The following CLECL1 variants were observed in gnomAD, a reference collection of about 807,000 sequenced individuals.
CLECL1 encodes C-type lectin-like domain family 1.
chr12:9,719,808 C>A (rs1476261983), downstream of CLECL1, among the ~76,000 whole-genome samples: 1 of 152,188 alleles, frequency 6.6e-6, no homozygotes, highest in Non-Finnish European at 1.5e-5. Context: ...TTGTTTCACA[C>A]ACTTTAAATT....
At chr12:9,725,151 C>T (rs1866362768) in intron 3 of CLECL1, among the ~76,000 whole-genome samples, 1 of 152,086 alleles carries the variant, frequency 6.6e-6, no homozygotes, top group Non-Finnish European at 1.5e-5. Flanking sequence ...CAGATAATCA[C>T]TATAGCTAAT....
At chr12:9,733,500 GGGGCCCTAT>G (rs1438221459), upstream of CLECL1, among the ~76,000 whole-genome samples, 1 of 152,112 alleles carries the variant, frequency 6.6e-6, no homozygotes, top group Non-Finnish European at 1.5e-5. Context: ...GTTACAGAAA[GGGGCCCTAT>G]GTCTTTTATC....
chr12:9,717,536 G>C (rs1010256625), downstream of CLECL1, among the ~76,000 whole-genome samples: 8 of 152,258 alleles, frequency 5.3e-5, no homozygotes, highest in East Asian at 5.8e-4. Flanking sequence ...TATTTATCTT[G>C]TTTAAGCTAG....
chr12:9,733,209 A>G, upstream of CLECL1: 3 of 1,613,644 alleles, frequency 1.9e-6, no homozygotes, highest in Non-Finnish European at 2.5e-6. Flanking sequence ...AGTCTTACTA[A>G]TCAAGGTAGC....
At chr12:9,724,206 AAAAG>A (rs1866349226) in intron 3 of CLECL1, among the ~76,000 whole-genome samples, 1 of 151,956 alleles carries the variant, frequency 6.6e-6, no homozygotes, top group African/African-American at 2.4e-5. Flanking sequence ...AAGAAAAAGA[AAAAG>A]AAAAAAAAAG....
intron 2 of CLECL1, among the ~76,000 whole-genome samples, chr12:9,729,324 G>A (rs1263862322): frequency 5.9e-5 from 9 of 152,024 alleles, no homozygotes; most frequent in Non-Finnish European, 1.2e-4. Flanking sequence ...ACTGCACCAG[G>A]CAATTCACTG....
At chr12:9,718,507 G>A (rs1866264264), downstream of CLECL1, 1 of 259,980 alleles carries the variant, frequency 3.8e-6, no homozygotes, top group East Asian at 6.9e-5. Flanking sequence ...GTTATGGGCT[G>A]TGGGGCCCAG....
At chr12:9,711,215 C>T (rs1488031614), downstream of CLECL1, among the ~76,000 whole-genome samples, 8 of 152,156 alleles carry the variant, frequency 5.3e-5, no homozygotes, top group Non-Finnish European at 1.0e-4. Context: ...AGCCACACCC[C>T]CATCTCACAC....
downstream of CLECL1, among the ~76,000 whole-genome samples, chr12:9,719,918 G>A (rs1461774671): frequency 6.6e-6 from 1 of 152,192 alleles, no homozygotes; most frequent in Non-Finnish European, 1.5e-5. Context: ...GTGCCTTGGA[G>A]AAGATTACTT....
intron 1 of CLECL1, among the ~76,000 whole-genome samples, chr12:9,730,635 G>A (rs768893256): frequency 1.3e-5 from 2 of 152,204 alleles, no homozygotes; most frequent in Admixed American, 6.5e-5. Flanking sequence ...TGGGAGTCAA[G>A]TCAGTCACAG....
intron 3 of CLECL1, among the ~76,000 whole-genome samples, chr12:9,724,580 C>T (rs2121053446): frequency 6.6e-6 from 1 of 152,118 alleles, no homozygotes; most frequent in South Asian, 2.1e-4. Context: ...ATATAAAAAC[C>T]ATCTCTGGAC....
chr12:9,724,882 T>C (rs1242332431), intron 3 of CLECL1, among the ~76,000 whole-genome samples: 1 of 152,176 alleles, frequency 6.6e-6, no homozygotes, highest in Non-Finnish European at 1.5e-5. Flanking sequence ...TTCATATGTA[T>C]GAATAAGTTA....
chr12:9,733,344 T>C (rs60145243), upstream of CLECL1: 7,724 of 963,586 alleles, frequency 8.0e-3, 407 homozygotes, highest in African/African-American at 0.11. Context: ...ACAGAAGATA[T>C]CTCACCATTT....
chr12:9,729,015 C>G (rs1866413866), intron 2 of CLECL1, among the ~76,000 whole-genome samples: 1 of 151,962 alleles, frequency 6.6e-6, no homozygotes, highest in African/African-American at 2.4e-5. Context: ...TGTATATCAT[C>G]TCTGTTCTAC....
chr12:9,718,784 A>G (rs767092694), downstream of CLECL1: 1 of 700,390 alleles, frequency 1.4e-6, no homozygotes, highest in Non-Finnish European at 2.6e-6. Flanking sequence ...GCTGAAAACC[A>G]AGGAGAGATG....
At chr12:9,709,717 T>C in the CLECL1 span, among the ~76,000 whole-genome samples, 1 of 152,142 alleles carries the variant, frequency 6.6e-6, no homozygotes, top group Non-Finnish European at 1.5e-5. Context: ...TGAATGACCC[T>C]AAATGGCATC....
At chr12:9,723,877 C>T (rs1454980718) in intron 3 of CLECL1, among the ~76,000 whole-genome samples, 2 of 152,096 alleles carry the variant, frequency 1.3e-5, no homozygotes, top group Non-Finnish European at 2.9e-5. Context: ...AGTCCAACTA[C>T]ACCAATTGCT....
chr12:9,725,223 A>G (rs1591718250), intron 3 of CLECL1, among the ~76,000 whole-genome samples: 1 of 152,178 alleles, frequency 6.6e-6, no homozygotes, highest in East Asian at 1.9e-4. Flanking sequence ...AATATTATTC[A>G]AGGGAGAACA....
intron 1 of CLECL1, among the ~76,000 whole-genome samples, chr12:9,731,482 G>C (rs1357162870): frequency 1.3e-5 from 2 of 152,194 alleles, no homozygotes; most frequent in Admixed American, 1.3e-4. Context: ...TGAAAGGTAT[G>C]AGGTTAGAAG....
Sources: allele counts gnomAD v4.1 joint callset (sites outside exome capture counted in the v4.1 genomes callset), GRCh38; gene constraint gnomAD v4.1.1; transcripts MANE v1.5; gene names NCBI Gene and HGNC (gene_info 2026-07-23, HGNC 2026-07-21).